Variants in WDR17 observed in about 807,000 individuals in gnomAD.
WDR17 encodes the protein WD repeat-containing protein 17.
WDR17 carries 143 observed loss-of-function variants against 161.7 expected under a neutral mutation model. The observed-to-expected ratio is 0.88, with a 90% CI of 0.77 to 1.02. The LOEUF is 1.02. Among genes scored for constraint, WDR17 ranks in the 50% least tolerant of loss-of-function variants. WDR17 has a pLI of 0.00. For synonymous variants in WDR17, 517 were observed against 515.6 expected (o/e 1.00, Z -0.04); for missense variants, 1,469 against 1,520.9 (o/e 0.97, Z 0.57).
At chr4:176,084,018 G>GTTTTGT (rs1467982449) in intron 1 of WDR17, among the ~76,000 whole-genome samples, 1 of 151,340 alleles carries the variant, frequency 6.6e-6, no homozygotes, top group Non-Finnish European at 1.5e-5. Context: ...AGTCTGTTTT[G>GTTTTGT]TTTTGTTTTT....
intron 9 of WDR17, 110 bp downstream of exon 9, chr4:176,137,721 T>C (rs932478674): frequency 8.7e-6 from 5 of 574,126 alleles, no homozygotes; most frequent in African/African-American, 7.9e-5. Flanking sequence ...TCAGGTGGTA[T>C]GTGTGTTCTC....
At chr4:176,174,476 C>G in intron 25 of WDR17, 141 bp from the exon 26 acceptor site, 1 of 482,108 alleles carries the variant, frequency 2.1e-6, no homozygotes, top group Non-Finnish European at 3.6e-6. Context: ...AATAATTTTC[C>G]TTAAGTTTAG....
chr4:176,104,675 T>C (rs1372926685), intron 1 of WDR17, among the ~76,000 whole-genome samples: 1 of 152,036 alleles, frequency 6.6e-6, no homozygotes, highest in African/African-American at 2.4e-5. Context: ...AATTAGAGTC[T>C]TGTAACTTTA....
intron 1 of WDR17, among the ~76,000 whole-genome samples, chr4:176,109,503 A>T (rs572836329): frequency 1.5e-3 from 234 of 152,222 alleles, no homozygotes; most frequent in African/African-American, 5.3e-3. Flanking sequence ...TTTTTTCCTA[A>T]ATCTATCACT....
chr4:176,073,799 A>G (rs2126558651), intron 1 of WDR17, among the ~76,000 whole-genome samples: 1 of 152,214 alleles, frequency 6.6e-6, no homozygotes, highest in African/African-American at 2.4e-5. Context: ...TTGTCATTCT[A>G]ACTGGTGTGA....
At chr4:176,146,513 C>T (rs921371256) in intron 12 of WDR17, among the ~76,000 whole-genome samples, 6 of 152,222 alleles carry the variant, frequency 3.9e-5, no homozygotes, top group Admixed American at 2.6e-4. Context: ...GTTATACTGC[C>T]GTACTCATGG....
intron 1 of WDR17, among the ~76,000 whole-genome samples, chr4:176,079,913 C>G (rs939778423): frequency 6.6e-5 from 10 of 152,002 alleles, no homozygotes; most frequent in African/African-American, 2.2e-4. Context: ...AATGCCACCA[C>G]TTCCCCTCCC....
intron 12 of WDR17, among the ~76,000 whole-genome samples, chr4:176,146,778 C>A (rs1172363094): frequency 6.6e-6 from 1 of 151,880 alleles, no homozygotes; most frequent in Admixed American, 6.6e-5. Context: ...TAAATGTTAG[C>A]ATATATAAGA....
chr4:176,123,316 C>T (rs1741897652), intron 4 of WDR17, among the ~76,000 whole-genome samples: 1 of 152,154 alleles, frequency 6.6e-6, no homozygotes, highest in South Asian at 2.1e-4. Flanking sequence ...TTTCTCCACA[C>T]ATGAAGCAAG....
intron 11 of WDR17, among the ~76,000 whole-genome samples, chr4:176,143,950 T>C (rs1040745429): frequency 7.2e-5 from 11 of 152,106 alleles, no homozygotes; most frequent in African/African-American, 2.7e-4. Flanking sequence ...ATGAAAACTT[T>C]TAGCAAGCAC....
rs773398896 is a variant in WDR17 at position 176,131,620 on chromosome 4, C to T, written c.980C>T (p.Thr327Ile). The T allele has an allele frequency of 2.5e-6, 4 of 1,613,728 alleles. No individual in the cohort carries two copies. The highest frequency in any genetic ancestry group is 2.5e-6 in the Non-Finnish European group (3 of 1,179,816). Residue 327 changes from threonine to isoleucine, a missense_variant, in exon 7 of 29, where the codon ACT (threonine) becomes ATT (isoleucine). Thr to Ile is a moderately conservative substitution (Grantham distance 89). Transcript: ENST00000508596. ...ACAAGCGAAGCAGTTCCACCCCCAACTTTAACACAGAATCAAGCATTTTCT... is the reference window on the plus strand; with the variant it reads ...ACAAGCGAAGCAGTTCCACCCCCAATTTTAACACAGAATCAAGCATTTTCT... Reference protein sequence around the residue: ...SSTSEAVPPPTLTQNQAFSLP... With the variant: ...SSTSEAVPPPILTQNQAFSLP...
intron 1 of WDR17, among the ~76,000 whole-genome samples, chr4:176,103,645 A>G (rs79385531): frequency 0.029 from 4,457 of 152,206 alleles, 211 homozygotes; most frequent in African/African-American, 0.1. Context: ...CAAGTAAAAT[A>G]GAAGAATTCA....
intron 1 of WDR17, among the ~76,000 whole-genome samples, chr4:176,110,460 A>G (rs889160737): frequency 1.3e-5 from 2 of 152,184 alleles, no homozygotes; most frequent in African/African-American, 2.4e-5. Flanking sequence ...TTAGGCCATA[A>G]TGGAAAGATA....
chr4:176,067,405 C>T (rs974988143), intron 1 of WDR17, among the ~76,000 whole-genome samples: 1 of 152,118 alleles, frequency 6.6e-6, no homozygotes, highest in African/African-American at 2.4e-5. Context: ...AGGGCATATA[C>T]GGAAAGTAAA....
In WDR17 at chr4:176,141,984, A is replaced by G. The variant is rs760851019; in HGVS notation, c.1444A>G (p.Ile482Val). The G allele has an allele frequency of 7.6e-6, 12 of 1,588,936 alleles. No homozygotes were observed. In the Admixed American group the frequency reaches 1.4e-4, roughly 18 times the overall value. The change falls in exon 11 of 29, where the codon ATT (isoleucine) becomes GTT (valine). Residue 482 changes from isoleucine to valine, a missense_variant and splice_region_variant. Coordinates refer to ENST00000508596, the MANE Select transcript of WDR17 (RefSeq NM_181265.4). The part of the protein sequence containing the change: ...IATCSSDGFC[I>V]IRTIDGKVLH... ...TTAACATATTATAATTAATTCTAGT[A>G]TTATTCGAACAATTGATGGTAAAGT...
intron 1 of WDR17, among the ~76,000 whole-genome samples, chr4:176,108,681 G>A (rs1216292014): frequency 1.3e-5 from 2 of 151,934 alleles, no homozygotes; most frequent in African/African-American, 4.8e-5. Context: ...AGGCTATGAG[G>A]GGTATATGGG....
chr4:176,085,404 A>G (rs1179300626), intron 1 of WDR17, among the ~76,000 whole-genome samples: 1 of 152,020 alleles, frequency 6.6e-6, no homozygotes, highest in Non-Finnish European at 1.5e-5. Flanking sequence ...TTTTTGAACT[A>G]TTTTAAAGAA....
chr4:176,075,717 T>C (rs1219691818), intron 1 of WDR17, among the ~76,000 whole-genome samples: 1 of 152,034 alleles, frequency 6.6e-6, no homozygotes, highest in African/African-American at 2.4e-5. Flanking sequence ...TATAGAGGAG[T>C]GAGATCAGCA....
chr4:176,177,560 T>C lies in WDR17; in HGVS notation c.3638T>C (p.Leu1213Pro). 1 of 1,598,706 alleles carries C rather than the reference T, an allele frequency of 6.3e-7. No individual in the cohort carries two copies. The highest frequency in any genetic ancestry group is 8.5e-7 in the Non-Finnish European group (1 of 1,176,394). ...TLLKRLKEES[L>P]KGIIGPDYVT... ...TTAAAGAGACTAAAAGAAGAGTCAC[T>C]GAAAGGAATTATTGGACCAGATTAT... is the stretch of plus-strand genomic sequence containing the variant. Residue 1213 changes from leucine to proline, a missense_variant, in exon 28 of 29, where the codon CTG becomes CCG. By Grantham distance (98) the Leu-to-Pro change is moderately conservative. Coordinates refer to ENST00000508596, the MANE Select transcript of WDR17 (RefSeq NM_181265.4).
Sources: gnomAD v4.1 joint callset for allele counts (sites outside exome capture counted in the v4.1 genomes callset) on GRCh38, gnomAD v4.1.1 for gene constraint, MANE v1.5 for transcripts, NCBI Gene and HGNC (gene_info 2026-07-23, HGNC 2026-07-21) for gene names.